Variants in DKK3 observed in about 807,000 individuals in gnomAD.
DKK3 encodes dickkopf-related protein 3.
Under a neutral mutation model 33.2 loss-of-function variants are expected in DKK3, and 22 were observed. That is an observed-to-expected ratio of 0.66 (90% confidence interval 0.47 to 0.95). The LOEUF (loss-of-function observed/expected upper bound fraction) is 0.95. DKK3 is among the 40% of genes least tolerant of loss of function. The pLI, the probability that DKK3 is intolerant of heterozygous loss-of-function variation, is 0.00. For missense variants in DKK3, 398 were observed against 458.4 expected, an observed-to-expected ratio of 0.87 and a Z score of 1.20; for synonymous variants, 194 against 188.8, an observed-to-expected ratio of 1.03 and a Z score of -0.23.
chr11:11,965,340 A>T (rs1279355674), intron 6 of DKK3, among the ~76,000 whole-genome samples: 1 of 152,182 alleles, frequency 6.6e-6, no homozygotes, highest in Non-Finnish European at 1.5e-5. Context: ...CGGGGAGGAC[A>T]GGGAGATGTG....
chr11:12,008,672 G>T (rs1053965141), upstream of DKK3: 3 of 535,592 alleles, frequency 5.6e-6, no homozygotes, highest in Middle Eastern at 6.0e-4. This position sits in a 1 kb window ranked among gnomAD's most constrained non-coding sequence, Gnocchi z 4.6. Flanking sequence ...CCGCCGCCCC[G>T]CCCCGTTCCG....
intron 4 of DKK3, among the ~76,000 whole-genome samples, chr11:11,968,130 C>A (rs1446583693): frequency 6.6e-6 from 1 of 152,290 alleles, no homozygotes; most frequent in East Asian, 1.9e-4. Context: ...CTCCCCTTCT[C>A]TACCATCAAT....
intron 3 of DKK3, among the ~76,000 whole-genome samples, chr11:11,987,069 T>A (rs1281572467): frequency 6.6e-6 from 1 of 152,232 alleles, no homozygotes; most frequent in Non-Finnish European, 1.5e-5. Flanking sequence ...TGTATTCAAC[T>A]ACTCAACCCC....
At chr11:11,982,844 C>T (rs761681528) in intron 3 of DKK3, among the ~76,000 whole-genome samples, 33 of 152,198 alleles carry the variant, frequency 2.2e-4, no homozygotes, top group South Asian at 4.1e-4. Context: ...CTCTCAAACA[C>T]GGCAATTAAT....
rs1322838278 is a variant in DKK3 at position 11,964,447 on chromosome 11, C to A, written c.*17G>T. ...TAGCTATTTCTATTGCACATCTACC[C>A]ACAGCCTGGTCCAGATCTAAATCTC... On this transcript the variant is annotated 3_prime_UTR_variant, in exon 7 of 7. Coordinates refer to ENST00000683431, the MANE Select transcript of DKK3 (RefSeq NM_001018057.2). 1 of 1,606,562 alleles carries A rather than the reference C, an allele frequency of 6.2e-7. No individual in the cohort carries two copies. Among genetic ancestry groups the A allele is most frequent in the South Asian group, 1.1e-5 (1 of 91,060 alleles).
chr11:11,979,802 T>C (rs964872350), intron 3 of DKK3: 1 of 152,264 alleles, frequency 6.6e-6, no homozygotes, highest in Non-Finnish European at 1.5e-5. Context: ...CAAACTTGAT[T>C]ATGCACGTCC....
At chr11:11,989,674 C>A (rs1177485193) in intron 3 of DKK3, among the ~76,000 whole-genome samples, 5 of 152,146 alleles carry the variant, frequency 3.3e-5, no homozygotes. Context: ...GTATAATTAA[C>A]CCTGCTGAAT....
At chr11:11,976,340 G>A (rs148018910) in intron 3 of DKK3, among the ~76,000 whole-genome samples, 2,671 of 150,928 alleles carry the variant, frequency 0.018, 56 homozygotes, top group Admixed American at 0.054. Context: ...GAGGCTGCAC[G>A]GAACAAGAAA....
At chr11:12,009,378 C>G (rs1302543349), upstream of DKK3, 1 of 974,980 alleles carries the variant, frequency 1.0e-6, no homozygotes, top group Non-Finnish European at 1.2e-6. Flanking sequence ...GCCCCCGCCC[C>G]GAGCCCCGCC....
At chr11:12,008,627 G>T (rs1406039492), upstream of DKK3, 2 of 1,334,168 alleles carry the variant, frequency 1.5e-6, no homozygotes, top group Non-Finnish European at 1.9e-6. The surrounding 1 kb of genome is among the most constrained non-coding windows in gnomAD (Gnocchi z 4.6). Context: ...CCCGGAACGC[G>T]ATCAGAGGCG....
intron 1 of DKK3, among the ~76,000 whole-genome samples, chr11:12,007,252 G>C (rs1848555765): frequency 6.6e-6 from 1 of 152,186 alleles, no homozygotes; most frequent in Non-Finnish European, 1.5e-5. Flanking sequence ...CTTTGCCCAA[G>C]GGGGATACCA....
In DKK3 at chr11:12,002,506, A is replaced by G. The variant is rs867083451; in HGVS notation, c.214-69T>C. ...TTACAAATGGGAGTCTATTAGAAAA[A>G]AAAAATCTCTTTTCCTCTTCTGCAA... On this transcript the variant is annotated intron_variant, in intron 1 of 6. Transcript: ENST00000683431. 5.2e-6 allele frequency: 8 copies of G among 1,553,194 alleles called. No homozygotes were observed. In the Middle Eastern group the frequency reaches 6.9e-4, roughly 133 times the overall value.
At chr11:11,977,829 T>G (rs1214710384) in intron 3 of DKK3, among the ~76,000 whole-genome samples, 2 of 152,222 alleles carry the variant, frequency 1.3e-5, no homozygotes, top group African/African-American at 4.8e-5. Context: ...TGGCTCCTTA[T>G]TCCACTTGCA....
rs992111827 is a variant in DKK3, at chr11:11,964,779, C to T, written c.831-93G>A. On this transcript the variant is annotated intron_variant, in intron 6 of 6. Coordinates refer to ENST00000683431, the MANE Select transcript of DKK3 (RefSeq NM_001018057.2). ...CCTGACTCTGTGGGGCTCCCAGCCT[C>T]ACCTTCATGCCCCCTCCTCTCCTGT... The T allele has an allele frequency of 5.2e-6, 8 of 1,533,270 alleles. No individual in the cohort carries two copies. The African/African-American group carries it at 5.5e-5, about 11-fold the overall frequency. 95.0% of individuals were successfully genotyped at this position (1,533,270 alleles called of 1,614,324 possible). A position where few individuals can be genotyped will look rare whatever the true frequency, so the allele number is the denominator to read the frequency against.
chr11:11,981,546 C>T (rs34375055), intron 3 of DKK3, among the ~76,000 whole-genome samples: 1 of 152,102 alleles, frequency 6.6e-6, no homozygotes, highest in Non-Finnish European at 1.5e-5. Flanking sequence ...CCTTGCCAGC[C>T]TTCCTGCTGG....
intron 3 of DKK3, among the ~76,000 whole-genome samples, chr11:11,977,748 G>A (rs1029233121): frequency 1.3e-5 from 2 of 152,118 alleles, no homozygotes; most frequent in Non-Finnish European, 2.9e-5. Flanking sequence ...AGGCTGATGG[G>A]CATTTCAGGC....
At chr11:12,002,178 T>C (rs564176211) in intron 2 of DKK3, 122 bp downstream of exon 2, 1 of 1,102,384 alleles carries the variant, frequency 9.1e-7, no homozygotes, top group East Asian at 2.5e-5. Flanking sequence ...AATCCGTATT[T>C]TATGATTCTC....
At chr11:11,981,348 G>A (rs975549935) in intron 3 of DKK3, among the ~76,000 whole-genome samples, 2 of 152,182 alleles carry the variant, frequency 1.3e-5, no homozygotes, top group Non-Finnish European at 2.9e-5. Flanking sequence ...TGGCTCCAGC[G>A]CTGGTCATTG....
upstream of DKK3, chr11:12,009,601 C>T: frequency 1.0e-6 from 1 of 986,008 alleles, no homozygotes; most frequent in Non-Finnish European, 1.2e-6. Flanking sequence ...AACAGCCCAC[C>T]GAGGTTGGGG....
Sources: allele counts gnomAD v4.1 joint callset (sites outside exome capture counted in the v4.1 genomes callset), GRCh38; gene constraint gnomAD v4.1.1; non-coding constraint Gnocchi (gnomAD v3.1); transcripts MANE v1.5; gene names NCBI Gene and HGNC (gene_info 2026-07-23, HGNC 2026-07-21).